The following SCN8A variants were observed in gnomAD, a reference collection of about 807,000 sequenced individuals.
SCN8A encodes the protein sodium channel protein type 8 subunit alpha.
A neutral mutation model predicts 184.1 loss-of-function variants in SCN8A; 30 were observed. The ratio of observed to expected loss-of-function variants is 0.16; its 90% confidence interval spans 0.12 to 0.22. SCN8A has a LOEUF of 0.22. Ranked by LOEUF, SCN8A falls within the 10% of genes least tolerant of loss-of-function variation. The pLI, the probability that SCN8A is intolerant of heterozygous loss-of-function variation, is 1.00. For missense variants in SCN8A, 1,057 were observed against 2,498.9 expected (o/e 0.42, Z 12.30); for synonymous variants, 852 against 907.0 (o/e 0.94, Z 1.09).
At chr12:51,750,664 C>T in intron 13 of SCN8A, among the ~76,000 whole-genome samples, 1 of 152,162 alleles carries the variant, frequency 6.6e-6, no homozygotes, top group East Asian at 1.9e-4. Context: ...GCAAACACTT[C>T]CATGGCACTT....
rs192153899 is a variant in SCN8A, at chr12:51,741,732, C to T, written c.1999-4171C>T. Among the ~76,000 whole-genome samples the T allele has an allele frequency of 3.9e-4, 60 of 152,158 alleles. 1 individual carries two copies. In the East Asian group the frequency reaches 0.011, roughly 28 times the overall value. ...ATTTTTATTTATTTATTTTTTGAGA[C>T]AGAGTTTCACTCTTGTTGCCCAGGC... On this transcript the variant is annotated intron_variant, in intron 12 of 26. Transcript: ENST00000627620.
At position 51,807,318 on chromosome 12, in the gene SCN8A, C is replaced by T. The variant is rs1209111806; in HGVS notation, c.5832C>T (p.Leu1944=). The T allele has an allele frequency of 1.2e-6, 2 of 1,613,878 alleles. No homozygotes were observed. Among genetic ancestry groups the T allele is most frequent in the Admixed American group, 1.7e-5 (1 of 60,022 alleles). ...AGAGCACCCCATCTACAGCCTCCCTCCCGTCCTATGACAGTGTAACTAAAC... is the reference window on the plus strand; with the variant it reads ...AGAGCACCCCATCTACAGCCTCCCTTCCGTCCTATGACAGTGTAACTAAAC... ...KKESTPSTAS[L]PSYDSVTKPE... is the part of the protein sequence containing the mutation. The change falls in exon 27 of 27, where the codon CTC becomes CTT. Residue 1944 remains leucine (L), a synonymous_variant. Coordinates refer to ENST00000627620, the MANE Select transcript of SCN8A (RefSeq NM_001330260.2). The surrounding 1 kb of genome is among the most constrained non-coding windows in gnomAD (Gnocchi z 4.5).
intron 1 of SCN8A, among the ~76,000 whole-genome samples, chr12:51,610,169 CAAAAAAAAAA>C (rs398019572): frequency 8.9e-5 from 5 of 55,934 alleles, no homozygotes; most frequent in Non-Finnish European, 1.2e-4. Flanking sequence ...AACTCTGTCT[CAAAAAAAAAA>C]AAAAAAAAAA....
chr12:51,698,414 T>G (rs866634829), intron 6 of SCN8A, among the ~76,000 whole-genome samples: 6 of 152,228 alleles, frequency 3.9e-5, no homozygotes, highest in Non-Finnish European at 5.9e-5. Context: ...AGGGATGAGA[T>G]TCTTCCTGAG....
chr12:51,593,955 A>G (rs1939289334), intron 1 of SCN8A, among the ~76,000 whole-genome samples: 1 of 152,204 alleles, frequency 6.6e-6, no homozygotes, highest in Admixed American at 6.5e-5. Context: ...TCTCCACAGG[A>G]AGTAATCCGA....
At position 51,769,293 on chromosome 12, in the gene SCN8A, A is replaced by G; in HGVS notation, c.3330A>G (p.Thr1110=). 6.2e-7 allele frequency: 1 copy of G among 1,605,906 alleles called. No individual in the cohort carries two copies. Among genetic ancestry groups the G allele is most frequent in the Non-Finnish European group, 8.5e-7 (1 of 1,173,488 alleles). Reference sequence around the variant, plus strand: ...AGTCTGACTTTGAGAACCTCAACACAGAGGATGTTAGCAGCGAGTCGGATC... The same window carrying G: ...AGTCTGACTTTGAGAACCTCAACACGGAGGATGTTAGCAGCGAGTCGGATC... ...VGESDFENLN[T]EDVSSESDPE... Residue 1110 remains threonine (T), a synonymous_variant, in exon 17 of 27, where the codon ACA becomes ACG. Coordinates refer to ENST00000627620, the MANE Select transcript of SCN8A (RefSeq NM_001330260.2).
intron 11 of SCN8A, among the ~76,000 whole-genome samples, chr12:51,719,575 T>C (rs1190799666): frequency 1.1e-5 from 1 of 91,662 alleles, no homozygotes; most frequent in Non-Finnish European, 2.2e-5. Flanking sequence ...CTCCCTCCTG[T>C]AATCCCAGCA....
At chr12:51,716,653 G>C (rs1033021387) in intron 11 of SCN8A, among the ~76,000 whole-genome samples, 1 of 152,148 alleles carries the variant, frequency 6.6e-6, no homozygotes, top group Non-Finnish European at 1.5e-5. Context: ...TAGTGTTAAA[G>C]GTGATTGTGG....
chr12:51,678,763 A>T (rs987738098), intron 2 of SCN8A, among the ~76,000 whole-genome samples: 2 of 152,194 alleles, frequency 1.3e-5, no homozygotes, highest in South Asian at 2.1e-4. Context: ...GAAGGGATTT[A>T]TGACTGTGTT....
intron 1 of SCN8A, among the ~76,000 whole-genome samples, chr12:51,644,417 A>G (rs114254913): frequency 0.011 from 1,677 of 152,332 alleles, 46 homozygotes; most frequent in African/African-American, 0.038. Context: ...GGAAGCATCA[A>G]AAGAATTATA....
At chr12:51,607,622 G>T (rs560911908) in intron 1 of SCN8A, among the ~76,000 whole-genome samples, 1 of 152,292 alleles carries the variant, frequency 6.6e-6, no homozygotes, top group South Asian at 2.1e-4. Flanking sequence ...CGATTTTGCT[G>T]AGAGGGATCA....
chr12:51,706,381 A>G, intron 10 of SCN8A, 41 bp from the exon 11 acceptor site: 1 of 1,489,616 alleles, frequency 6.7e-7, no homozygotes, highest in East Asian at 2.4e-5. Flanking sequence ...GCTCCAGTTA[A>G]TTGCCCTGGT....
At chr12:51,614,871 C>T (rs1243563401) in intron 1 of SCN8A, among the ~76,000 whole-genome samples, 7 of 149,808 alleles carry the variant, frequency 4.7e-5, no homozygotes, top group African/African-American at 1.7e-4. Context: ...GAACATTTTA[C>T]ATGAGATGTA....
chr12:51,681,413 G>A (rs7955960), intron 2 of SCN8A, among the ~76,000 whole-genome samples: 123,475 of 152,118 alleles, frequency 0.81, 51,080 homozygotes, highest in East Asian at 0.99. Flanking sequence ...AACCTCATGA[G>A]GTTGAATGAG....
At chr12:51,757,688 G>A (rs895160036) in intron 14 of SCN8A, among the ~76,000 whole-genome samples, 18 of 152,194 alleles carry the variant, frequency 1.2e-4, no homozygotes, top group African/African-American at 4.1e-4. Flanking sequence ...TTGGGAGGCC[G>A]AGGTGAGAGG....
chr12:51,773,262 A>C (rs528068549), intron 19 of SCN8A, among the ~76,000 whole-genome samples: 154 of 152,190 alleles, frequency 1.0e-3, no homozygotes, highest in Non-Finnish European at 1.7e-3. Flanking sequence ...CTTCCTCCCC[A>C]CCTCCACAGG....
chr12:51,649,404 A>G (rs1250080599), intron 1 of SCN8A, among the ~76,000 whole-genome samples: 1 of 152,114 alleles, frequency 6.6e-6, no homozygotes, highest in Non-Finnish European at 1.5e-5. Flanking sequence ...CCAACCCCAC[A>G]TTTCCCCTCT....
chr12:51,605,295 G>C (rs1006796723), intron 1 of SCN8A, among the ~76,000 whole-genome samples: 1 of 152,058 alleles, frequency 6.6e-6, no homozygotes, highest in African/African-American at 2.4e-5. Flanking sequence ...TCATTCTTAG[G>C]CCTTTTCATC....
intron 1 of SCN8A, among the ~76,000 whole-genome samples, chr12:51,603,744 T>TA (rs981047483): frequency 2.2e-4 from 33 of 152,130 alleles, no homozygotes; most frequent in African/African-American, 7.7e-4. Flanking sequence ...TTTTTTTTTT[T>TA]ATCTTAGCCA....
Sources: allele counts gnomAD v4.1 joint callset (sites outside exome capture counted in the v4.1 genomes callset), GRCh38; gene constraint gnomAD v4.1.1; non-coding constraint Gnocchi (gnomAD v3.1); transcripts MANE v1.5; gene names NCBI Gene and HGNC (gene_info 2026-07-23, HGNC 2026-07-21).